Variants in RNF8 observed in about 807,000 individuals in gnomAD.
RNF8 encodes the protein E3 ubiquitin-protein ligase RNF8.
RNF8 carries 8 observed loss-of-function variants against 59.3 expected under a neutral mutation model. That is an observed-to-expected ratio of 0.13 (90% CI 0.08 to 0.24). The LOEUF (loss-of-function observed/expected upper bound fraction) is 0.24. RNF8 is among the 10% of genes least tolerant of loss of function. RNF8 has a pLI of 1.00. For missense variants in RNF8, 406 were observed against 572.6 expected (o/e 0.71, Z 2.97); for synonymous variants, 162 against 200.0 (o/e 0.81, Z 1.60).
intron 2 of RNF8, among the ~76,000 whole-genome samples, chr6:37,362,918 A>G (rs768098849): frequency 1.4e-4 from 21 of 152,280 alleles, no homozygotes; most frequent in African/African-American, 2.4e-5. Flanking sequence ...TGCACACAGT[A>G]TGAGGATGGT....
chr6:37,363,345 A>G (rs1395884342), intron 2 of RNF8, among the ~76,000 whole-genome samples: 1 of 152,206 alleles, frequency 6.6e-6, no homozygotes. Context: ...AAACACCATT[A>G]AGAGAGTAAA....
chr6:37,380,893 G>C (rs1322532379), intron 6 of RNF8, among the ~76,000 whole-genome samples: 2 of 151,974 alleles, frequency 1.3e-5, no homozygotes, highest in East Asian at 2.0e-4. Context: ...ATGTTGCCCA[G>C]GCTGGTCTCA....
intron 7 of RNF8, among the ~76,000 whole-genome samples, chr6:37,389,266 C>T (rs1461807726): frequency 6.6e-6 from 1 of 150,694 alleles, no homozygotes; most frequent in African/African-American, 2.4e-5. Flanking sequence ...TGAAAAATTG[C>T]CCATTGAGTA....
rs893732016 is a variant in RNF8 at position 37,390,638 on chromosome 6, C to T, written c.1442-104C>T. Reference sequence around the variant, plus strand: ...CTTCTGTTTTCTCAGTTCGCTATGGCTGCTGTGTGAGGAAGAGACAGGGTG... The same window carrying T: ...CTTCTGTTTTCTCAGTTCGCTATGGTTGCTGTGTGAGGAAGAGACAGGGTG... On this transcript the variant is annotated intron_variant, in intron 7 of 7. Coordinates refer to ENST00000373479, the MANE Select transcript of RNF8 (RefSeq NM_003958.4). 3 of 779,192 alleles carry T rather than the reference C, an allele frequency of 3.9e-6. No homozygotes were observed. The Admixed American group carries it at 6.3e-5, about 16-fold the overall frequency. 48.3% of individuals were successfully genotyped at this position (779,192 alleles called of 1,614,324 possible).
At chr6:37,362,055 A>G (rs1769345536) in intron 2 of RNF8, among the ~76,000 whole-genome samples, 1 of 152,238 alleles carries the variant, frequency 6.6e-6, no homozygotes, top group South Asian at 2.1e-4. Context: ...ACAATTAATT[A>G]TGCATATTTA....
rs144721038 is a variant in RNF8, at chr6:37,377,729, C to T, written c.1236+696C>T. On this transcript the variant is annotated intron_variant, in intron 6 of 7. Coordinates refer to ENST00000373479, the MANE Select transcript of RNF8 (RefSeq NM_003958.4). ...ATTCTTTCTTTACTCTGAATGGGCA[C>T]TATGCCGAGAATATGCTTATAGTGC... Among the ~76,000 whole-genome samples, 361 of 152,288 alleles carry T rather than the reference C, an allele frequency of 2.4e-3. 1 individual carries two copies. Among genetic ancestry groups the T allele is most frequent in the Middle Eastern group, 6.8e-3 (2 of 294 alleles).
rs1581701489 is a variant in RNF8 at position 37,388,186 on chromosome 6, T to C, written c.1442-2556T>C. Among the ~76,000 whole-genome samples the C allele has an allele frequency of 2.6e-5, 4 of 152,254 alleles. 1 individual carries two copies. Among genetic ancestry groups the C allele is most frequent in the African/African-American group, 9.6e-5 (4 of 41,554 alleles). ...TAGCAGCAGGGATGGCCAGAGTGGA[T>C]AGATTCAAGAGGTAGTTAAGGAGGT... On this transcript the variant is annotated intron_variant, in intron 7 of 7. Transcript: ENST00000373479.
In RNF8 at chr6:37,381,372, T is replaced by C. The variant is rs765859709; in HGVS notation, c.1441+18T>C. On this transcript the variant is annotated intron_variant, in intron 7 of 7. Transcript: ENST00000373479. ...ACGAAAAGGTGAGTGGGTGTGAGAA[T>C]TCCTACCCCTCAAGAAAGGACTTAT... 6.2e-7 allele frequency: 1 copy of C among 1,603,798 alleles called. No individual in the cohort carries two copies. The highest frequency in any genetic ancestry group is 8.5e-7 in the Non-Finnish European group (1 of 1,171,136).
chr6:37,390,742 C>T lies in RNF8; in HGVS notation c.1442C>T (p.Ala481Val). 1.2e-6 allele frequency: 2 copies of T among 1,609,930 alleles called. No individual in the cohort carries two copies. The highest frequency in any genetic ancestry group is 1.7e-6 in the Non-Finnish European group (2 of 1,176,424). ...RRIVLIRERKAKRLF is the reference protein window; with the variant it reads ...RRIVLIRERKVKRLF ...TTATTTCTCTTCTTTTTCTCCAAAGCAAAGAGATTGTTCTGAAGACCGTGC... is the reference window on the plus strand; with the variant it reads ...TTATTTCTCTTCTTTTTCTCCAAAGTAAAGAGATTGTTCTGAAGACCGTGC... Residue 481 changes from alanine (A) to valine (V), a missense_variant and splice_region_variant, in exon 8 of 8, where the codon GCA becomes GTA. By Grantham distance (64) the Ala-to-Val change is moderately conservative. Transcript: ENST00000373479.
chr6:37,373,859 A>G (rs1458623574), intron 4 of RNF8, among the ~76,000 whole-genome samples: 1 of 152,242 alleles, frequency 6.6e-6, no homozygotes, highest in Non-Finnish European at 1.5e-5. Context: ...TATCTTTTCA[A>G]AAATACTTAC....
At chr6:37,359,607 C>T (rs774393533) in intron 1 of RNF8, among the ~76,000 whole-genome samples, 2 of 152,190 alleles carry the variant, frequency 1.3e-5, no homozygotes, top group African/African-American at 2.4e-5. Context: ...GTTTTCCATC[C>T]AGTCAAGTAT....
At chr6:37,376,152 T>G (rs1362338504) in intron 5 of RNF8, among the ~76,000 whole-genome samples, 1 of 152,236 alleles carries the variant, frequency 6.6e-6, no homozygotes, top group Non-Finnish European at 1.5e-5. Context: ...CATGCCTCTT[T>G]TCTTGTCCAG....
chr6:37,354,126 TCTC>T lies in RNF8; in HGVS notation c.-38_-36del, dbSNP rs1769017173. The T allele has an allele frequency of 3.3e-6, 5 of 1,527,152 alleles. No individual in the cohort carries two copies. Among genetic ancestry groups the T allele is most frequent in the African/African-American group, 1.4e-5 (1 of 72,620 alleles). The allele number at this position is 1,527,152 out of a possible 1,614,324, so 94.6% of individuals were successfully genotyped here. ...GAGGCAGCCAGAACCTAGGTCAGGG[TCTC>T]GCTCGGTGCTGACCGCCCCCGGGGT... On this transcript the variant is annotated 5_prime_UTR_variant, in exon 1 of 8. Coordinates refer to ENST00000373479, the MANE Select transcript of RNF8 (RefSeq NM_003958.4).
At chr6:37,389,974 G>T (rs1251355011) in intron 7 of RNF8, among the ~76,000 whole-genome samples, 2 of 152,226 alleles carry the variant, frequency 1.3e-5, no homozygotes, top group Non-Finnish European at 2.9e-5. Flanking sequence ...GGGACAATTT[G>T]GTTGGTGACT....
At position 37,354,334 on chromosome 6, in the gene RNF8, G is replaced by A. The variant is rs1769027815; in HGVS notation, c.111+59G>A. 4 of 1,349,626 alleles carry A rather than the reference G, an allele frequency of 3.0e-6. No homozygotes were observed. In the East Asian group the frequency reaches 1.0e-4, roughly 34 times the overall value. The allele number at this position is 1,349,626 out of a possible 1,614,324, so 83.6% of individuals were successfully genotyped here. ...AGGGGCTGGAGGGAGCGGGGCTCCGGGGAGGGAGGAAGGTGTCTTGCTGGG... is the reference window on the plus strand; with the variant it reads ...AGGGGCTGGAGGGAGCGGGGCTCCGAGGAGGGAGGAAGGTGTCTTGCTGGG... On this transcript the variant is annotated intron_variant, in intron 1 of 7. Coordinates refer to ENST00000373479, the MANE Select transcript of RNF8 (RefSeq NM_003958.4).
At chr6:37,362,287 T>C (rs763154507) in intron 2 of RNF8, among the ~76,000 whole-genome samples, 3 of 152,196 alleles carry the variant, frequency 2.0e-5, no homozygotes, top group Non-Finnish European at 2.9e-5. Flanking sequence ...GCTGATCAAC[T>C]TCAGTGTTAT....
chr6:37,372,323 C>G (rs1769846065), intron 4 of RNF8, among the ~76,000 whole-genome samples: 1 of 152,188 alleles, frequency 6.6e-6, no homozygotes, highest in Non-Finnish European at 1.5e-5. Flanking sequence ...ACTTCCCAAC[C>G]TTAACAGTGC....
At chr6:37,381,006 C>G (rs1182488942) in intron 6 of RNF8, 144 bp from the exon 7 acceptor site, 1 of 735,188 alleles carries the variant, frequency 1.4e-6, no homozygotes, top group East Asian at 2.5e-5. Context: ...GATTCTGATA[C>G]TCTTTATAAG....
At chr6:37,381,979 A>C (rs576243114) in intron 7 of RNF8, among the ~76,000 whole-genome samples, 1 of 152,310 alleles carries the variant, frequency 6.6e-6, no homozygotes, top group Non-Finnish European at 1.5e-5. Context: ...TAACAGCTGT[A>C]TGCTACTGGG....
Sources: gnomAD v4.1 joint callset for allele counts (sites outside exome capture counted in the v4.1 genomes callset) on GRCh38, gnomAD v4.1.1 for gene constraint, MANE v1.5 for transcripts, NCBI Gene and HGNC (gene_info 2026-07-23, HGNC 2026-07-21) for gene names.